Variants in WDFY4 observed in about 807,000 individuals in gnomAD.
The protein encoded by WDFY4 is WDFY family member 4.
A neutral mutation model predicts 351.9 loss-of-function variants in WDFY4; 169 were observed. The ratio of observed to expected loss-of-function variants is 0.48; its 90% CI spans 0.42 to 0.55. WDFY4 has a LOEUF of 0.55. Among genes scored for constraint, WDFY4 ranks in the 20% least tolerant of loss-of-function variants. WDFY4 has a pLI of 0.00. For missense variants in WDFY4, 3,803 were observed against 3,935.6 expected (o/e 0.97, Z 0.90); for synonymous variants, 1,622 against 1,574.6 (o/e 1.03, Z -0.71).
At chr10:48,786,977 T>C in intron 20 of WDFY4, 107 bp downstream of exon 20, 1 of 931,716 alleles carries the variant, frequency 1.1e-6, no homozygotes, top group East Asian at 2.6e-5. Flanking sequence ...TTAAAGTCAG[T>C]CATTAGGGAA....
intron 8 of WDFY4, 130 bp downstream of exon 8, chr10:48,729,719 T>G: frequency 8.1e-7 from 1 of 1,240,908 alleles, no homozygotes; most frequent in South Asian, 1.6e-5. Context: ...TCACAACCTT[T>G]GGGGAGGTTA....
chr10:48,694,464 C>T (rs752847933), intron 1 of WDFY4, among the ~76,000 whole-genome samples: 7 of 152,084 alleles, frequency 4.6e-5, no homozygotes, highest in East Asian at 1.9e-4. Context: ...TCCACCACCC[C>T]CTAGCCTCCT....
At chr10:48,842,566 G>A (rs2068645028) in intron 39 of WDFY4, among the ~76,000 whole-genome samples, 1 of 152,204 alleles carries the variant, frequency 6.6e-6, no homozygotes, top group Non-Finnish European at 1.5e-5. Context: ...TGGGCTAGCA[G>A]AGACCCCGAA....
chr10:48,752,994 A>G (rs1331450492), intron 12 of WDFY4, among the ~76,000 whole-genome samples: 1 of 152,236 alleles, frequency 6.6e-6, no homozygotes, highest in East Asian at 1.9e-4. Flanking sequence ...ACAGCAATAT[A>G]AAAGGTTTTC....
At position 48,733,936 on chromosome 10, in the gene WDFY4, A is replaced by G. The variant is rs981536644; in HGVS notation, c.1588A>G (p.Lys530Glu). ...TTTCTTCTTCAATATGGCAGGAAAC[A>G]AAGTGTCCACTCCTGGTGTTCAGGA... ...QAKIMRKSGNKVSTPGVQDPE... is the reference protein window; with the variant it reads ...QAKIMRKSGNEVSTPGVQDPE... The change falls in exon 10 of 62, where the codon AAA becomes GAA. Residue 530 changes from lysine (K) to glutamate (E), a missense_variant. Physicochemically the swap from Lys to Glu is moderately conservative, Grantham distance 56. This residue lies in a region of WDFY4 where 261 missense variants were observed against 330.2 expected (regional missense o/e 0.79). Transcript: ENST00000325239. 17 of 1,551,678 alleles carry G rather than the reference A, an allele frequency of 1.1e-5. No homozygotes were observed. The highest frequency in any genetic ancestry group is 1.5e-5 in the Non-Finnish European group (17 of 1,146,960).
chr10:48,814,239 G>A (rs1276711005), intron 31 of WDFY4, among the ~76,000 whole-genome samples, 157 bp downstream of exon 31: 1 of 152,202 alleles, frequency 6.6e-6, no homozygotes, highest in East Asian at 1.9e-4. Context: ...AGTGACTCAG[G>A]GGCACAACTG....
chr10:48,824,315 T>G, intron 35 of WDFY4: 2 of 401,070 alleles, frequency 5.0e-6, no homozygotes, highest in Non-Finnish European at 6.7e-6. Flanking sequence ...AAACAGGCAA[T>G]ATATGCAAAT....
Position 48,873,482 on chromosome 10 carries a change from G to T in WDFY4, c.6742-9G>T. ...ATGTATCCAGGGTGACTCTGTTTCT[G>T]CTCCCCAGAGGCGAAAATGTGGCAA... On this transcript the variant is annotated splice_polypyrimidine_tract_variant and intron_variant, in intron 40 of 61. Coordinates refer to ENST00000325239, the MANE Select transcript of WDFY4 (RefSeq NM_001394531.1). The T allele has an allele frequency of 6.5e-7, 1 of 1,540,750 alleles. No individual in the cohort carries two copies. The highest frequency in any genetic ancestry group is 8.8e-7 in the Non-Finnish European group (1 of 1,142,010).
chr10:48,885,867 A>G (rs907490739), intron 43 of WDFY4, among the ~76,000 whole-genome samples: 2 of 152,200 alleles, frequency 1.3e-5, no homozygotes, highest in Non-Finnish European at 2.9e-5. Flanking sequence ...AGAAAAAAGT[A>G]GATACTAGAG....
chr10:48,930,867 G>A (rs897433274), intron 47 of WDFY4, among the ~76,000 whole-genome samples: 21 of 152,114 alleles, frequency 1.4e-4, no homozygotes, highest in Middle Eastern at 3.2e-3. Context: ...ACATTTGTCC[G>A]TGTGAGCCCT....
intron 39 of WDFY4, among the ~76,000 whole-genome samples, chr10:48,836,815 C>A (rs1300325705): frequency 1.3e-5 from 2 of 152,160 alleles, no homozygotes; most frequent in East Asian, 3.9e-4. Flanking sequence ...CACCAAAGGG[C>A]AACTCAGGGT....
intron 35 of WDFY4, 55 bp downstream of exon 35, chr10:48,822,592 G>C: frequency 7.1e-7 from 1 of 1,415,012 alleles, no homozygotes; most frequent in Non-Finnish European, 9.3e-7. Flanking sequence ...TGTGCTCCTG[G>C]CTATTGTCCA....
At chr10:48,832,108 T>C (rs2068210717) in intron 38 of WDFY4, among the ~76,000 whole-genome samples, 1 of 152,254 alleles carries the variant, frequency 6.6e-6, no homozygotes, top group Admixed American at 6.5e-5. Flanking sequence ...TACATATCCA[T>C]GCACATAGAG....
intron 54 of WDFY4, among the ~76,000 whole-genome samples, chr10:48,965,466 A>C (rs1480321611): frequency 1.3e-5 from 2 of 152,196 alleles, no homozygotes; most frequent in Non-Finnish European, 2.9e-5. Flanking sequence ...AAAACTCATC[A>C]TTTTGATTTC....
chr10:48,820,419 C>G lies in WDFY4; in HGVS notation c.5691C>G (p.Pro1897=). The change falls in exon 33 of 62, where the codon CCC becomes CCG. Residue 1897 remains proline (P), a synonymous_variant. Coordinates refer to ENST00000325239, the MANE Select transcript of WDFY4 (RefSeq NM_001394531.1). ...LGASSPKQWL[P]LEVLLEASPD... The stretch of plus-strand genomic sequence containing the variant: ...CCTCCAGCCCCAAGCAGTGGCTGCC[C>G]CTGGAGGTGCTCCTGGAGGTGGGTT... The G allele has an allele frequency of 6.4e-7, 1 of 1,551,186 alleles. No homozygotes were observed. Among genetic ancestry groups the G allele is most frequent in the Non-Finnish European group, 8.7e-7 (1 of 1,146,766 alleles).
intron 43 of WDFY4, among the ~76,000 whole-genome samples, chr10:48,887,068 A>G (rs2070485901): frequency 6.6e-6 from 1 of 152,254 alleles, no homozygotes; most frequent in Non-Finnish European, 1.5e-5. Flanking sequence ...TGTTTAAGCT[A>G]TTAACCCAGC....
chr10:48,882,174 G>A (rs2070278379), intron 43 of WDFY4, among the ~76,000 whole-genome samples: 1 of 152,132 alleles, frequency 6.6e-6, no homozygotes, highest in Non-Finnish European at 1.5e-5. Context: ...GCTTGAGGGA[G>A]GGCATGCCCT....
chr10:48,834,862 C>CA (rs1281075403), intron 39 of WDFY4, among the ~76,000 whole-genome samples: 1 of 152,200 alleles, frequency 6.6e-6, no homozygotes, highest in Non-Finnish European at 1.5e-5. Flanking sequence ...GTCCTGGGGA[C>CA]ATGCATTGAG....
intron 40 of WDFY4, among the ~76,000 whole-genome samples, chr10:48,868,938 G>A (rs987955133): frequency 6.6e-6 from 1 of 152,176 alleles, no homozygotes; most frequent in Non-Finnish European, 1.5e-5. Context: ...TGAAAGGTTA[G>A]CCTGTCTCAT....
Sources: gnomAD v4.1 joint callset for allele counts (sites outside exome capture counted in the v4.1 genomes callset) on GRCh38, gnomAD v4.1.1 for gene constraint, gnomAD v4.1.1 regional missense constraint, MANE v1.5 for transcripts, NCBI Gene and HGNC (gene_info 2026-07-23, HGNC 2026-07-21) for gene names.